ADGRB3: variants seen among roughly 807,000 people sequenced by gnomAD.
The protein encoded by ADGRB3 is adhesion G protein-coupled receptor B3.
ADGRB3 carries 37 observed loss-of-function variants against 193.4 expected under a neutral mutation model. The observed-to-expected ratio is 0.19, with a 90% CI of 0.15 to 0.25. ADGRB3 has a LOEUF of 0.25. ADGRB3 is among the 10% of genes least tolerant of loss of function. ADGRB3 has a pLI of 1.00. For synonymous variants in ADGRB3, 690 were observed against 644.2 expected (o/e 1.07, Z -1.08); for missense variants, 1,637 against 1,852.9 (o/e 0.88, Z 2.14).
At chr6:68,639,647 G>A (rs1477301673) in intron 3 of ADGRB3, among the ~76,000 whole-genome samples, 2 of 152,172 alleles carry the variant, frequency 1.3e-5, no homozygotes, top group Non-Finnish European at 1.5e-5. Context: ...TCAGCAGCAT[G>A]CGCTGGAAGT....
In ADGRB3 at chr6:69,389,005, T is replaced by C. The variant is rs1011852576; in HGVS notation, c.*114T>C. Reference sequence around the variant, plus strand: ...TGACTATCTTATGTCAGGACCTTCATGTGCCAAACGTCAGTGGTGTTTTCA... The same window carrying C: ...TGACTATCTTATGTCAGGACCTTCACGTGCCAAACGTCAGTGGTGTTTTCA... On this transcript the variant is annotated 3_prime_UTR_variant, in exon 32 of 32. Transcript: ENST00000370598. 1.0e-5 allele frequency: 11 copies of C among 1,066,050 alleles called. No homozygotes were observed. The highest frequency in any genetic ancestry group is 5.0e-5 in the South Asian group (3 of 59,926). 66.0% of individuals were successfully genotyped at this position (1,066,050 alleles called of 1,614,324 possible).
chr6:68,656,218 AC>A (rs1768487210), intron 3 of ADGRB3, among the ~76,000 whole-genome samples: 2 of 151,522 alleles, frequency 1.3e-5, no homozygotes, highest in African/African-American at 4.8e-5. Context: ...TGAAACTTTT[AC>A]TTTTAGATAT....
chr6:68,848,414 G>A (rs1303512548), intron 3 of ADGRB3, among the ~76,000 whole-genome samples: 1 of 151,938 alleles, frequency 6.6e-6, no homozygotes, highest in Admixed American at 6.6e-5. Context: ...AAGAAGCTAG[G>A]TAAAACTCAA....
chr6:69,214,384 A>G (rs1765731724), intron 17 of ADGRB3, among the ~76,000 whole-genome samples: 1 of 152,124 alleles, frequency 6.6e-6, no homozygotes, highest in Admixed American at 6.6e-5. Flanking sequence ...TGTAGAGTTA[A>G]AGCATCCTCC....
At chr6:69,031,551 T>TTCTTTCTTTCTTTC (rs371280892) in intron 13 of ADGRB3, among the ~76,000 whole-genome samples, 6 of 13,950 alleles carry the variant, frequency 4.3e-4, no homozygotes, top group East Asian at 2.3e-3. Context: ...CTTTCTTTCT[T>TTCTTTCTTTCTTTC]TTTCTTTCTT....
chr6:68,790,623 G>A lies in ADGRB3; in HGVS notation c.758-139936G>A, dbSNP rs557306692. Among the ~76,000 whole-genome samples, 8 of 152,184 alleles carry A rather than the reference G, an allele frequency of 5.3e-5. No homozygotes were observed. In the South Asian group the frequency reaches 1.0e-3, roughly 20 times the overall value. ...GGAACGATCAGGCAGCAGCATCTGC[G>A]GTTCACCAATATCTGCTGTTCTGCA... On this transcript the variant is annotated intron_variant, in intron 3 of 31. Transcript: ENST00000370598.
At chr6:68,765,794 T>C (rs917727145) in intron 3 of ADGRB3, among the ~76,000 whole-genome samples, 4 of 152,034 alleles carry the variant, frequency 2.6e-5, no homozygotes, top group Admixed American at 1.3e-4. Flanking sequence ...TGAAATAGTG[T>C]GTATAAGATG....
intron 17 of ADGRB3, among the ~76,000 whole-genome samples, chr6:69,219,471 A>T (rs1467124325): frequency 1.3e-5 from 1 of 76,904 alleles, no homozygotes; most frequent in Non-Finnish European, 2.5e-5. Context: ...GTATATATAT[A>T]TATATATATA....
At chr6:68,736,522 T>C (rs1765876303) in intron 3 of ADGRB3, among the ~76,000 whole-genome samples, 1 of 152,094 alleles carries the variant, frequency 6.6e-6, no homozygotes, top group African/African-American at 2.4e-5. Flanking sequence ...CTGTGTAAGA[T>C]TTCAATGAGG....
At chr6:69,153,764 C>CG in intron 17 of ADGRB3, among the ~76,000 whole-genome samples, 1 of 152,184 alleles carries the variant, frequency 6.6e-6, no homozygotes, top group Non-Finnish European at 1.5e-5. Flanking sequence ...GAGGCCAAGG[C>CG]GGGCGGATCA....
At position 68,635,701 on chromosome 6, in the gene ADGRB3, C is replaced by G. The variant is rs1025336965; in HGVS notation, c.-487C>G. The G allele has an allele frequency of 4.6e-5, 7 of 152,336 alleles. No individual in the cohort carries two copies. Among genetic ancestry groups the G allele is most frequent in the African/African-American group, 1.7e-4 (7 of 41,420 alleles). The allele number at this position is 152,336 out of a possible 1,614,324, so 9.4% of individuals were successfully genotyped here. A position where few individuals can be genotyped will look rare whatever the true frequency, so the allele number is the denominator to read the frequency against. On this transcript the variant is annotated 5_prime_UTR_variant, in exon 1 of 32. Coordinates refer to ENST00000370598, the MANE Select transcript of ADGRB3 (RefSeq NM_001704.3). ...TAGAGTCTCCCTTGGGGGGGCTTCT[C>G]CCTCCCTTTAGCCCCCCTCGGTTTG...
At chr6:68,872,107 CTT>C (rs1765477812) in intron 3 of ADGRB3, among the ~76,000 whole-genome samples, 1 of 152,034 alleles carries the variant, frequency 6.6e-6, no homozygotes, top group African/African-American at 2.4e-5. Flanking sequence ...ACATGTAAGA[CTT>C]TGAGATTTGG....
At chr6:68,877,865 T>G (rs971713358) in intron 3 of ADGRB3, among the ~76,000 whole-genome samples, 3 of 152,226 alleles carry the variant, frequency 2.0e-5, no homozygotes, top group African/African-American at 7.2e-5. Flanking sequence ...GATCTATCAC[T>G]CCTATCTTGT....
chr6:69,214,431 A>G (rs1379981949), intron 17 of ADGRB3, among the ~76,000 whole-genome samples: 1 of 152,104 alleles, frequency 6.6e-6, no homozygotes, highest in South Asian at 2.1e-4. Context: ...TTTTCCTAGC[A>G]GGCAAAACAG....
chr6:68,747,906 G>T (rs954403375), intron 3 of ADGRB3, among the ~76,000 whole-genome samples: 1 of 152,156 alleles, frequency 6.6e-6, no homozygotes, highest in East Asian at 1.9e-4. Flanking sequence ...TATGGCTTGG[G>T]GGGGCCTCAG....
chr6:68,773,938 G>A (rs989866385), intron 3 of ADGRB3, among the ~76,000 whole-genome samples: 5 of 152,160 alleles, frequency 3.3e-5, no homozygotes, highest in Middle Eastern at 3.4e-3. Flanking sequence ...GAGGGGCATG[G>A]GATGCATAAT....
intron 3 of ADGRB3, among the ~76,000 whole-genome samples, chr6:68,930,065 GA>G (rs138263407): frequency 0.012 from 1,490 of 123,624 alleles, 11 homozygotes; most frequent in African/African-American, 0.023. Context: ...ATCTTTGGAT[GA>G]AAAAAAAAAA....
intron 3 of ADGRB3, among the ~76,000 whole-genome samples, chr6:68,893,523 C>T (rs1291011556): frequency 2.0e-5 from 3 of 150,440 alleles, no homozygotes; most frequent in Non-Finnish European, 4.4e-5. Flanking sequence ...TCCAGGACAA[C>T]CAACTCTTTT....
chr6:68,853,493 T>A (rs1410930126), intron 3 of ADGRB3, among the ~76,000 whole-genome samples: 1 of 152,022 alleles, frequency 6.6e-6, no homozygotes, highest in Non-Finnish European at 1.5e-5. Flanking sequence ...AAATATGAAA[T>A]CTGAAATGTT....
Sources: allele counts gnomAD v4.1 joint callset (sites outside exome capture counted in the v4.1 genomes callset), GRCh38; gene constraint gnomAD v4.1.1; transcripts MANE v1.5; gene names NCBI Gene and HGNC (gene_info 2026-07-23, HGNC 2026-07-21).